Variants in A4GALT observed in about 807,000 individuals in gnomAD.
A4GALT encodes the protein lactosylceramide 4-alpha-galactosyltransferase.
For synonymous variants in A4GALT, 257 were observed against 220.7 expected (o/e 1.16, Z -1.46); for missense variants, 512 against 486.0 (o/e 1.05, Z -0.50).
At position 42,693,648 on chromosome 22, in the gene A4GALT, C is replaced by A. The variant is rs771275936; in HGVS notation, c.304G>T (p.Ala102Ser). The change falls in exon 3 of 3, where the codon GCC (alanine) becomes TCC (serine). Residue 102 changes from alanine (A) to serine (S), a missense_variant. Ala to Ser is a moderately conservative substitution (Grantham distance 99, BLOSUM62 1). Coordinates refer to ENST00000642412, the MANE Select transcript of A4GALT (RefSeq NM_017436.7). Reference sequence around the variant, plus strand: ...ACGTGGGATTCGGGGTGAGTTCTGGCGGCCGACTCCACCGAGCACATGAAC... The same window carrying A: ...ACGTGGGATTCGGGGTGAGTTCTGGAGGCCGACTCCACCGAGCACATGAAC... ...FLFMCSVESAARTHPESHVLV... is the reference protein window; with the variant it reads ...FLFMCSVESASRTHPESHVLV... 1 of 1,603,566 alleles carries A rather than the reference C, an allele frequency of 6.2e-7. No homozygotes were observed. Among genetic ancestry groups the A allele is most frequent in the South Asian group, 1.1e-5 (1 of 90,702 alleles).
rs536916771 is a variant in A4GALT, at chr22:42,702,108, TC to T, written c.-187-6478del. On this transcript the variant is annotated intron_variant, in intron 1 of 2. Coordinates refer to ENST00000642412, the MANE Select transcript of A4GALT (RefSeq NM_017436.7). ...GCCACTCCAGGTTGGTGTCTCTCTC[TC>T]TCTTTCTCTCTCTCTCCTTTCTCTC... Among the ~76,000 whole-genome samples the T allele has an allele frequency of 4.8e-3, 734 of 152,228 alleles. 7 individuals are homozygous for T. The highest frequency in any genetic ancestry group is 0.017 in the African/African-American group (694 of 41,526).
intron 1 of A4GALT, among the ~76,000 whole-genome samples, chr22:42,700,358 G>A (rs17485489): frequency 0.24 from 36,016 of 152,136 alleles, 5,356 homozygotes; most frequent in South Asian, 0.38. Flanking sequence ...TCATGTTCTT[G>A]GGGTCTCAAC....
At chr22:42,695,761 G>T (rs1215658100) in intron 1 of A4GALT, 130 bp from the exon 2 acceptor site, 1 of 152,288 alleles carries the variant, frequency 6.6e-6, no homozygotes, top group African/African-American at 2.4e-5. Context: ...CCACCTCTCA[G>T]GGGACACTCA....
Position 42,692,509 on chromosome 22 carries a change from G to T in A4GALT, c.*381C>A, listed in dbSNP as rs1930510015. The T allele has an allele frequency of 2.6e-6, 1 of 380,880 alleles. No homozygotes were observed. Among genetic ancestry groups the T allele is most frequent in the South Asian group, 2.0e-5 (1 of 49,778 alleles). The allele number at this position is 380,880 out of a possible 1,614,324, so 23.6% of individuals were successfully genotyped here. A position where few individuals can be genotyped will look rare whatever the true frequency, so the allele number is the denominator to read the frequency against. ...ACCAACAGCCTCCTCTCCTCTCTGGGAATCTTGTCCCTTCTTCCCCATCCC... is the reference window on the plus strand; with the variant it reads ...ACCAACAGCCTCCTCTCCTCTCTGGTAATCTTGTCCCTTCTTCCCCATCCC... On this transcript the variant is annotated 3_prime_UTR_variant, in exon 3 of 3. Coordinates refer to ENST00000642412, the MANE Select transcript of A4GALT (RefSeq NM_017436.7). This position sits in a 1 kb window ranked among gnomAD's most constrained non-coding sequence, Gnocchi z 4.6.
chr22:42,708,823 C>A (rs1473721620), intron 1 of A4GALT, among the ~76,000 whole-genome samples: 2 of 151,674 alleles, frequency 1.3e-5, no homozygotes, highest in South Asian at 2.1e-4. Flanking sequence ...AATTTAAAAC[C>A]TGAATAAAAT....
Position 42,702,110 on chromosome 22 carries a change from TC to T in A4GALT, c.-187-6480del, listed in dbSNP as rs538903337. Among the ~76,000 whole-genome samples, 734 of 152,244 alleles carry T rather than the reference TC, an allele frequency of 4.8e-3. 7 individuals are homozygous for T. Among genetic ancestry groups the T allele is most frequent in the African/African-American group, 0.017 (694 of 41,540 alleles). ...CACTCCAGGTTGGTGTCTCTCTCTC[TC>T]TTTCTCTCTCTCTCCTTTCTCTCTC... On this transcript the variant is annotated intron_variant, in intron 1 of 2. Transcript: ENST00000642412.
intron 1 of A4GALT, among the ~76,000 whole-genome samples, chr22:42,699,046 G>GCA (rs932878185): frequency 3.3e-5 from 5 of 151,886 alleles, no homozygotes; most frequent in Non-Finnish European, 5.9e-5. Flanking sequence ...GTAAGCAGCA[G>GCA]CCCTAGGGGC....
rs1213031870 is a variant in A4GALT at position 42,692,770 on chromosome 22, C to T, written c.*120G>A. 1 of 1,207,172 alleles carries T rather than the reference C, an allele frequency of 8.3e-7. No homozygotes were observed. Among genetic ancestry groups the T allele is most frequent in the Non-Finnish European group, 1.2e-6 (1 of 843,182 alleles). 74.8% of individuals were successfully genotyped at this position (1,207,172 alleles called of 1,614,324 possible). ...GCCTGCTCCCACAGCTCCTCAACAG[C>T]CTGCCTAAGCCCGGTGGCAGCTCGG... On this transcript the variant is annotated 3_prime_UTR_variant, in exon 3 of 3. Transcript: ENST00000642412. This position sits in a 1 kb window ranked among gnomAD's most constrained non-coding sequence, Gnocchi z 4.6.
chr22:42,693,241 G>T lies in A4GALT; in HGVS notation c.711C>A (p.Phe237Leu). 1 of 1,611,320 alleles carries T rather than the reference G, an allele frequency of 6.2e-7. No homozygotes were observed. The highest frequency in any genetic ancestry group is 8.5e-7 in the Non-Finnish European group (1 of 1,179,302). The change falls in exon 3 of 3, where the codon TTC becomes TTA. Residue 237 changes from phenylalanine (F) to leucine (L), a missense_variant. Phe to Leu is a conservative substitution (Grantham distance 22). Coordinates refer to ENST00000642412, the MANE Select transcript of A4GALT (RefSeq NM_017436.7). ...AGATCCAGCCGTTGTAGTGGTCCAC[G>T]AAGTCCCGCATGCACAGCGCCATGA... ...HEFMALCMRD[F>L]VDHYNGWIWG... is the part of the protein sequence containing the mutation.
At chr22:42,700,266 TCAGCCGA>T (rs1184034389) in intron 1 of A4GALT, among the ~76,000 whole-genome samples, 16 of 152,322 alleles carry the variant, frequency 1.1e-4, no homozygotes, top group African/African-American at 3.8e-4. Context: ...TGACACAGGT[TCAGCCGA>T]CAGCAGGAGC....
chr22:42,719,689 C>T (rs190870918), intron 1 of A4GALT, among the ~76,000 whole-genome samples: 178 of 152,120 alleles, frequency 1.2e-3, no homozygotes, highest in Middle Eastern at 0.01. Flanking sequence ...GCTATGGGAC[C>T]CTGGGCAGGG....
At position 42,693,081 on chromosome 22, in the gene A4GALT, C is replaced by T; in HGVS notation, c.871G>A (p.Asp291Asn). The change falls in exon 3 of 3, where the codon GAC becomes AAC. Residue 291 changes from aspartate (D) to asparagine (N), a missense_variant. Physicochemically the swap from Asp to Asn is conservative, Grantham distance 23 (BLOSUM62 1). Coordinates refer to ENST00000642412, the MANE Select transcript of A4GALT (RefSeq NM_017436.7). Reference protein sequence around the residue: ...PEAFYPIPWQDWKKYFEDINP... With the variant: ...PEAFYPIPWQNWKKYFEDINP... ...ATGTCCTCAAAGTACTTCTTCCAGTCCTGCCAGGGGATGGGGTAGAAGGCC... is the reference window on the plus strand; with the variant it reads ...ATGTCCTCAAAGTACTTCTTCCAGTTCTGCCAGGGGATGGGGTAGAAGGCC... The T allele has an allele frequency of 1.9e-6, 3 of 1,612,342 alleles. No individual in the cohort carries two copies. Among genetic ancestry groups the T allele is most frequent in the Non-Finnish European group, 2.5e-6 (3 of 1,178,960 alleles).
intron 1 of A4GALT, among the ~76,000 whole-genome samples, chr22:42,706,622 C>T (rs571150169): frequency 3.3e-5 from 5 of 151,924 alleles, no homozygotes; most frequent in South Asian, 2.1e-4. Context: ...AGGTGAAACC[C>T]GTTCTCCACT....
Position 42,693,492 on chromosome 22 carries a change from G to C in A4GALT, c.460C>G (p.Pro154Ala), listed in dbSNP as rs773475971. ...LDLRELFRDT[P>A]LADWYAAVQG... is the part of the protein sequence containing the mutation. ...ACGGCCGCGTACCAGTCGGCCAGGG[G>C]TGTGTCCCGGAACAGCTCCCGCAGG... Residue 154 changes from proline (P) to alanine (A), a missense_variant, in exon 3 of 3, where the codon CCC (proline) becomes GCC (alanine). By Grantham distance (27) the Pro-to-Ala change is conservative. Transcript: ENST00000642412. 6.2e-6 allele frequency: 10 copies of C among 1,613,064 alleles called. No homozygotes were observed. The African/African-American group carries it at 1.2e-4, about 19-fold the overall frequency.
rs1930615483 is a variant in A4GALT, at chr22:42,693,289, C to T, written c.663G>A (p.Leu221=). Residue 221 remains leucine (L), a synonymous_variant, in exon 3 of 3, where the codon CTG becomes CTA. Coordinates refer to ENST00000642412, the MANE Select transcript of A4GALT (RefSeq NM_017436.7). ...TGAACTCGTGCCGGCGCTCGAAGGC[C>T]AGGAACGCGCCGTTGAGGACGTAGC... is the stretch of plus-strand genomic sequence containing the variant. ...QSRYVLNGAF[L]AFERRHEFMA... is the part of the protein sequence containing the mutation. 5 of 1,612,974 alleles carry T rather than the reference C, an allele frequency of 3.1e-6. No homozygotes were observed. Among genetic ancestry groups the T allele is most frequent in the African/African-American group, 1.3e-5 (1 of 74,948 alleles).
chr22:42,711,248 A>C (rs1921666369), intron 1 of A4GALT, among the ~76,000 whole-genome samples: 1 of 152,236 alleles, frequency 6.6e-6, no homozygotes, highest in Admixed American at 6.5e-5. Flanking sequence ...AAATGGACAT[A>C]CTCAGATAGC....
chr22:42,705,072 A>C (rs1277761929), intron 1 of A4GALT, among the ~76,000 whole-genome samples: 1 of 152,156 alleles, frequency 6.6e-6, no homozygotes, highest in Non-Finnish European at 1.5e-5. Context: ...GAAAGGCCAT[A>C]CTTTAAAAAG....
At chr22:42,702,808 A>T (rs964358030) in intron 1 of A4GALT, among the ~76,000 whole-genome samples, 12 of 143,680 alleles carry the variant, frequency 8.4e-5, no homozygotes, top group Admixed American at 6.0e-4. Context: ...CTTGCCGAGG[A>T]CGCACCTGGT....
chr22:42,705,423 G>A (rs8141461), intron 1 of A4GALT, among the ~76,000 whole-genome samples: 89,956 of 147,894 alleles, frequency 0.61, 28,633 homozygotes, highest in East Asian at 0.8. Context: ...CAATAAGGGC[G>A]AAACCCTCTC....
Sources: allele counts gnomAD v4.1 joint callset (sites outside exome capture counted in the v4.1 genomes callset), GRCh38; gene constraint gnomAD v4.1.1; non-coding constraint Gnocchi (gnomAD v3.1); transcripts MANE v1.5; gene names NCBI Gene and HGNC (gene_info 2026-07-23, HGNC 2026-07-21).